CNOT4: variants seen among roughly 807,000 people sequenced by gnomAD.
The protein encoded by CNOT4 is CCR4-associated factor 4.
CNOT4 carries 8 observed loss-of-function variants against 73.8 expected under a neutral mutation model. The ratio of observed to expected loss-of-function variants is 0.11; its 90% CI spans 0.06 to 0.20. The LOEUF is 0.20. CNOT4 is among the 10% of genes least tolerant of loss of function. The pLI is 1.00. For synonymous variants in CNOT4, 293 were observed against 321.1 expected, an observed-to-expected ratio of 0.91 and a Z score of 0.94; for missense variants, 564 against 883.4, an observed-to-expected ratio of 0.64 and a Z score of 4.58.
intron 3 of CNOT4, among the ~76,000 whole-genome samples, chr7:135,421,022 CAT>C (rs1363027012): frequency 6.6e-6 from 1 of 152,118 alleles, no homozygotes; most frequent in Admixed American, 6.5e-5. Context: ...GGACCTAGGT[CAT>C]AGTAACTCTT....
intron 10 of CNOT4, among the ~76,000 whole-genome samples, chr7:135,380,933 G>A (rs996935961): frequency 7.2e-5 from 11 of 152,124 alleles, no homozygotes; most frequent in Non-Finnish European, 1.2e-4. Flanking sequence ...CTTTCCTTGG[G>A]TTTTCCCAAA....
intron 1 of CNOT4, among the ~76,000 whole-genome samples, chr7:135,489,256 A>G (rs1802941834): frequency 6.6e-6 from 1 of 152,060 alleles, no homozygotes; most frequent in African/African-American, 2.4e-5. Context: ...CCAACAAATC[A>G]GCTCAACATA....
intron 1 of CNOT4, among the ~76,000 whole-genome samples, chr7:135,442,417 T>G (rs1799532803): frequency 6.6e-6 from 1 of 151,164 alleles, no homozygotes; most frequent in Admixed American, 6.6e-5. Context: ...GCCAACATGG[T>G]GAAACCCCGT....
chr7:135,438,405 A>G lies in CNOT4; in HGVS notation c.-74T>C, dbSNP rs1799283464. 1.6e-6 allele frequency: 2 copies of G among 1,279,088 alleles called. No individual in the cohort carries two copies. Among genetic ancestry groups the G allele is most frequent in the East Asian group, 5.1e-5 (2 of 38,868 alleles). The allele number at this position is 1,279,088 out of a possible 1,614,324, so 79.2% of individuals were successfully genotyped here. A position where few individuals can be genotyped will look rare whatever the true frequency, so the allele number is the denominator to read the frequency against. On this transcript the variant is annotated 5_prime_UTR_variant, in exon 2 of 12. Transcript: ENST00000541284. ...AAGGAAGTTCAGCACTGAAAGCTAA[A>G]ATGTAGGACTTTGACGACCTGCATG...
chr7:135,399,382 A>G (rs891905426), intron 7 of CNOT4, among the ~76,000 whole-genome samples: 25 of 152,256 alleles, frequency 1.6e-4, no homozygotes, highest in Middle Eastern at 3.4e-3. Flanking sequence ...ATGTAACATA[A>G]GGGTAAGCAT....
At chr7:135,462,361 C>T (rs1280371994) in intron 1 of CNOT4, among the ~76,000 whole-genome samples, 2 of 152,142 alleles carry the variant, frequency 1.3e-5, no homozygotes, top group East Asian at 3.8e-4. Context: ...TCCCCATCTC[C>T]CTCGATCCAA....
At chr7:135,447,771 G>C (rs1799918362) in intron 1 of CNOT4, among the ~76,000 whole-genome samples, 1 of 152,196 alleles carries the variant, frequency 6.6e-6, no homozygotes, top group Admixed American at 6.5e-5. Flanking sequence ...CTGTAGGCCA[G>C]CTAGTTTGCA....
At chr7:135,508,152 C>A (rs1804495713) in intron 1 of CNOT4, among the ~76,000 whole-genome samples, 1 of 152,186 alleles carries the variant, frequency 6.6e-6, no homozygotes. Context: ...AACATTTTTA[C>A]ATATATCTTA....
At chr7:135,489,257 G>A (rs1204144280) in intron 1 of CNOT4, among the ~76,000 whole-genome samples, 1 of 151,772 alleles carries the variant, frequency 6.6e-6, no homozygotes. Context: ...CAACAAATCA[G>A]CTCAACATAT....
At chr7:135,441,805 A>G (rs999659864) in intron 1 of CNOT4, among the ~76,000 whole-genome samples, 13 of 152,208 alleles carry the variant, frequency 8.5e-5, no homozygotes, top group African/African-American at 2.9e-4. Context: ...TAATTTTAAA[A>G]AAGTTTACAA....
chr7:135,426,586 G>C (rs1436458302), intron 2 of CNOT4, among the ~76,000 whole-genome samples: 4 of 133,790 alleles, frequency 3.0e-5, no homozygotes, highest in Non-Finnish European at 6.2e-5. Flanking sequence ...CTGGGTGACA[G>C]AGCAAGACTC....
intron 1 of CNOT4, among the ~76,000 whole-genome samples, chr7:135,507,969 A>G (rs1037769696): frequency 9.2e-5 from 14 of 152,210 alleles, no homozygotes; most frequent in African/African-American, 3.4e-4. Flanking sequence ...CTGAAAGAAA[A>G]AAGTTTTATA....
At chr7:135,368,148 C>T (rs73450361) in intron 10 of CNOT4, among the ~76,000 whole-genome samples, 4,951 of 152,082 alleles carry the variant, frequency 0.033, 300 homozygotes, top group African/African-American at 0.11. Flanking sequence ...TTTCATATTC[C>T]ACTGTGTAAG....
chr7:135,454,381 C>T (rs1189261734), intron 1 of CNOT4, among the ~76,000 whole-genome samples: 2 of 151,962 alleles, frequency 1.3e-5, no homozygotes, highest in African/African-American at 4.8e-5. Context: ...AGGCCGGGCA[C>T]AGCAACTCAT....
chr7:135,385,175 C>T (rs1796059996), intron 10 of CNOT4, among the ~76,000 whole-genome samples: 1 of 152,226 alleles, frequency 6.6e-6, no homozygotes, highest in African/African-American at 2.4e-5. Flanking sequence ...TATGTTCAAA[C>T]TACATTTTTG....
At chr7:135,476,627 G>C (rs977969060) in intron 1 of CNOT4, among the ~76,000 whole-genome samples, 2 of 152,180 alleles carry the variant, frequency 1.3e-5, no homozygotes, top group African/African-American at 4.8e-5. Flanking sequence ...AGTAAGCTAT[G>C]ATTGTGCCAC....
intron 1 of CNOT4, among the ~76,000 whole-genome samples, chr7:135,499,163 A>C (rs1219731596): frequency 6.6e-6 from 1 of 152,224 alleles, no homozygotes; most frequent in East Asian, 1.9e-4. Flanking sequence ...CAGGCAGAGA[A>C]AAGACATAAA....
At chr7:135,398,533 G>C (rs907293361) in intron 7 of CNOT4, among the ~76,000 whole-genome samples, 1 of 151,784 alleles carries the variant, frequency 6.6e-6, no homozygotes, top group African/African-American at 2.4e-5. Context: ...TGGGGTGTTC[G>C]CCCAATAAGT....
intron 6 of CNOT4, 73 bp downstream of exon 6, chr7:135,413,415 T>C: frequency 6.5e-7 from 1 of 1,547,838 alleles, no homozygotes; most frequent in Non-Finnish European, 8.8e-7. Context: ...AGTTTTTGCT[T>C]TTGCAATGTT....
Sources: allele counts gnomAD v4.1 joint callset (sites outside exome capture counted in the v4.1 genomes callset), GRCh38; gene constraint gnomAD v4.1.1; transcripts MANE v1.5; gene names NCBI Gene and HGNC (gene_info 2026-07-23, HGNC 2026-07-21).